Variants in ANO2 observed in about 807,000 individuals in gnomAD.
The protein encoded by ANO2 is anoctamin-2.
A neutral mutation model predicts 124.2 loss-of-function variants in ANO2; 101 were observed. That is an observed-to-expected ratio of 0.81 (90% CI 0.69 to 0.96). The LOEUF (loss-of-function observed/expected upper bound fraction) is 0.96, where lower values mean the gene tolerates loss of function less well. Ranked by LOEUF, ANO2 falls within the 40% of genes least tolerant of loss-of-function variation. The probability of loss-of-function intolerance (pLI) is 0.00; values close to 1 mark genes in which losing one functional copy is unlikely to be tolerated. For missense variants in ANO2, 1,293 were observed against 1,274.5 expected, an observed-to-expected ratio of 1.01 and a Z score of -0.22; for synonymous variants, 486 against 482.5, an observed-to-expected ratio of 1.01 and a Z score of -0.09.
At chr12:5,693,679 C>T (rs1193849826) in intron 14 of ANO2, among the ~76,000 whole-genome samples, 1 of 152,190 alleles carries the variant, frequency 6.6e-6, no homozygotes, top group Non-Finnish European at 1.5e-5. Flanking sequence ...AGACCCTCTC[C>T]TTCCTTCTTC....
chr12:5,804,581 G>A (rs1038220202), intron 9 of ANO2, among the ~76,000 whole-genome samples: 1 of 152,154 alleles, frequency 6.6e-6, no homozygotes, highest in Non-Finnish European at 1.5e-5. Context: ...CTGCCTCCTA[G>A]TTCCCACCTA....
At chr12:5,886,582 C>T (rs907583943) in intron 3 of ANO2, among the ~76,000 whole-genome samples, 8 of 152,032 alleles carry the variant, frequency 5.3e-5, no homozygotes, top group African/African-American at 1.9e-4. Context: ...ACCACAAATA[C>T]AAAATGAAAT....
At chr12:5,930,315 C>G (rs1429655849) in intron 1 of ANO2, among the ~76,000 whole-genome samples, 1 of 152,114 alleles carries the variant, frequency 6.6e-6, no homozygotes, top group Non-Finnish European at 1.5e-5. Flanking sequence ...AAATACTGCA[C>G]GTATATCATC....
intron 10 of ANO2, among the ~76,000 whole-genome samples, chr12:5,796,872 C>T (rs1242241893): frequency 6.6e-6 from 1 of 152,204 alleles, no homozygotes; most frequent in Admixed American, 6.5e-5. Flanking sequence ...GGTCTCCTGC[C>T]CCATGAGCTC....
intron 4 of ANO2, among the ~76,000 whole-genome samples, chr12:5,833,111 C>A (rs1377046405): frequency 6.6e-6 from 1 of 152,212 alleles, no homozygotes; most frequent in Non-Finnish European, 1.5e-5. Context: ...AACTGCGCCA[C>A]GCTTCTATGT....
At chr12:5,896,133 G>T (rs11614477) in intron 3 of ANO2, among the ~76,000 whole-genome samples, 1 of 151,864 alleles carries the variant, frequency 6.6e-6, no homozygotes, top group African/African-American at 2.4e-5. Context: ...GACTGGAAGG[G>T]GGGTGAGGTA....
intron 11 of ANO2, among the ~76,000 whole-genome samples, chr12:5,747,173 C>T (rs1056903785): frequency 2.0e-5 from 3 of 152,198 alleles, no homozygotes; most frequent in South Asian, 2.1e-4. Flanking sequence ...CAAGTTCCTG[C>T]GCTGTGAATC....
chr12:5,653,966 G>A (rs955933445), intron 14 of ANO2, among the ~76,000 whole-genome samples: 24 of 152,202 alleles, frequency 1.6e-4, no homozygotes, highest in Non-Finnish European at 2.9e-4. Flanking sequence ...AAATGGCTCC[G>A]TGTAATGAGA....
At chr12:5,687,771 C>A (rs904060991) in intron 14 of ANO2, among the ~76,000 whole-genome samples, 1 of 152,152 alleles carries the variant, frequency 6.6e-6, no homozygotes. Context: ...AGGGAGGGGA[C>A]CAGCATGATT....
At chr12:5,613,263 T>C (rs899758422) in intron 17 of ANO2, among the ~76,000 whole-genome samples, 4 of 152,042 alleles carry the variant, frequency 2.6e-5, no homozygotes, top group African/African-American at 7.3e-5. Flanking sequence ...ACCATGCAGT[T>C]TGGATTATCT....
At chr12:5,880,785 G>A (rs1938432470) in intron 3 of ANO2, among the ~76,000 whole-genome samples, 1 of 146,078 alleles carries the variant, frequency 6.8e-6, no homozygotes, top group African/African-American at 2.5e-5. Context: ...GATGGATGAA[G>A]AGATGGATAG....
At chr12:5,706,621 G>A (rs2137034248) in intron 14 of ANO2, among the ~76,000 whole-genome samples, 1 of 152,180 alleles carries the variant, frequency 6.6e-6, no homozygotes, top group East Asian at 1.9e-4. Context: ...TTTCCTCAGA[G>A]TACTTATCAC....
intron 16 of ANO2, among the ~76,000 whole-genome samples, chr12:5,631,611 G>A (rs1449094014): frequency 6.6e-6 from 1 of 152,212 alleles, no homozygotes; most frequent in East Asian, 1.9e-4. Context: ...GAGGGTGTGT[G>A]CCAGGGGAGT....
intron 4 of ANO2, among the ~76,000 whole-genome samples, chr12:5,844,032 A>G (rs908836778): frequency 2.0e-5 from 3 of 152,214 alleles, no homozygotes; most frequent in African/African-American, 7.2e-5. Context: ...GGAAAAGGTA[A>G]TATCAGCTCG....
rs896085556 is a variant in ANO2 at position 5,773,705 on chromosome 12, G to T, written c.1056-22735C>A. Among the ~76,000 whole-genome samples the T allele has an allele frequency of 2.6e-5, 4 of 152,110 alleles. No individual in the cohort carries two copies. The South Asian group carries it at 6.2e-4, about 24-fold the overall frequency. ...TGGAGAGAAACCAAAGCCCAGAAAGGTTCTCTCCAAGGCTGAGCCACCGCC... is the reference window on the plus strand; with the variant it reads ...TGGAGAGAAACCAAAGCCCAGAAAGTTTCTCTCCAAGGCTGAGCCACCGCC... On this transcript the variant is annotated intron_variant, in intron 10 of 24. Transcript: ENST00000682330.
At chr12:5,716,000 T>C (rs553853254) in intron 14 of ANO2, among the ~76,000 whole-genome samples, 9 of 152,226 alleles carry the variant, frequency 5.9e-5, no homozygotes, top group Admixed American at 3.3e-4. Context: ...ACTTCCTATG[T>C]TCTGAGACTA....
chr12:5,904,309 C>G lies in ANO2; in HGVS notation c.534+16731G>C, dbSNP rs1439076535. On this transcript the variant is annotated intron_variant, in intron 3 of 24. Transcript: ENST00000682330. This position sits in a 1 kb window ranked among gnomAD's most constrained non-coding sequence, Gnocchi z 4.1. ...CTCCACCTGCTGGTGCCCAATACAC[C>G]ACCATTCACCTAAGGCTTTGATCCC... 3.3e-5 allele frequency among the ~76,000 whole-genome samples: 5 copies of G among 152,178 alleles called. No homozygotes were observed. Among genetic ancestry groups the G allele is most frequent in the Non-Finnish European group, 5.9e-5 (4 of 68,036 alleles).
chr12:5,660,193 C>T, intron 14 of ANO2, among the ~76,000 whole-genome samples: 1 of 152,164 alleles, frequency 6.6e-6, no homozygotes, highest in Non-Finnish European at 1.5e-5. Context: ...CACCATAACC[C>T]CACTGTAAGT....
chr12:5,808,924 G>T (rs998823400), intron 7 of ANO2, among the ~76,000 whole-genome samples: 1 of 152,100 alleles, frequency 6.6e-6, no homozygotes. Flanking sequence ...TATTCTCCAG[G>T]CCCCACGTGG....
Sources: gnomAD v4.1 joint callset for allele counts (sites outside exome capture counted in the v4.1 genomes callset) on GRCh38, gnomAD v4.1.1 for gene constraint, Gnocchi (gnomAD v3.1) non-coding constraint, MANE v1.5 for transcripts, NCBI Gene and HGNC (gene_info 2026-07-23, HGNC 2026-07-21) for gene names.